Variants in RNF17 observed in about 807,000 individuals in gnomAD.
The protein encoded by RNF17 is spermatogenesis associated 23.
In RNF17, 31 loss-of-function variants were observed where a neutral mutation model predicts 200.5. That is an observed-to-expected ratio of 0.15 (90% CI 0.12 to 0.21). The LOEUF (loss-of-function observed/expected upper bound fraction) is 0.21, where lower values mean the gene tolerates loss of function less well. Ranked by LOEUF, RNF17 falls within the 10% of genes least tolerant of loss-of-function variation. RNF17 has a pLI of 1.00. For synonymous variants in RNF17, 606 were observed against 637.8 expected (o/e 0.95, Z 0.75); for missense variants, 1,628 against 1,905.1 (o/e 0.85, Z 2.71).
chr13:24,787,951 G>T, intron 6 of RNF17, 37 bp from the exon 7 acceptor site: 2 of 1,468,322 alleles, frequency 1.4e-6, no homozygotes, highest in Non-Finnish European at 1.8e-6. Flanking sequence ...AAATATTTAT[G>T]AAATACTGCA....
At chr13:24,769,756 G>A (rs9507405) in intron 2 of RNF17, among the ~76,000 whole-genome samples, 33,153 of 152,056 alleles carry the variant, frequency 0.22, 4,073 homozygotes, top group East Asian at 0.29. Flanking sequence ...TAACTTCAGA[G>A]GCCTAGGTAA....
chr13:24,804,116 G>C (rs977744841), intron 14 of RNF17, among the ~76,000 whole-genome samples, 172 bp from the exon 15 acceptor site: 2 of 152,094 alleles, frequency 1.3e-5, no homozygotes, highest in African/African-American at 4.8e-5. Flanking sequence ...ACAAAAATTA[G>C]CCAGGTGTGA....
At chr13:24,866,614 C>A (rs575864557) in intron 30 of RNF17, among the ~76,000 whole-genome samples, 3 of 152,128 alleles carry the variant, frequency 2.0e-5, no homozygotes. Flanking sequence ...TGCTTCACTT[C>A]TTTTTGTTGC....
At chr13:24,821,367 A>G (rs9581188) in intron 15 of RNF17, among the ~76,000 whole-genome samples, 26,738 of 152,140 alleles carry the variant, frequency 0.18, 2,509 homozygotes, top group South Asian at 0.32. Flanking sequence ...AACTCCTAAC[A>G]TTAGACTTCT....
intron 4 of RNF17, 121 bp downstream of exon 4, chr13:24,778,527 C>T: frequency 1.4e-6 from 1 of 710,112 alleles, no homozygotes; most frequent in Non-Finnish European, 2.5e-6. Context: ...AACAAGTTAA[C>T]CCACCCTCTT....
downstream of RNF17, among the ~76,000 whole-genome samples, chr13:24,880,799 C>T (rs1321977315): frequency 6.6e-6 from 1 of 152,178 alleles, no homozygotes; most frequent in Non-Finnish European, 1.5e-5. Flanking sequence ...GCTTTCTAAA[C>T]AGTAATTCTA....
rs796892730 is a variant in RNF17 at position 24,789,831 on chromosome 13, A to AAG, written c.935+63_935+64dup. ...GTGTCTGACAGTACTTACATTATCT[A>AAG]AGAGACAGAAGAATTGATGTTTAGT... On this transcript the variant is annotated intron_variant, in intron 9 of 35. Coordinates refer to ENST00000255324, the MANE Select transcript of RNF17 (RefSeq NM_031277.3). 10 of 923,510 alleles carry AAG rather than the reference A, an allele frequency of 1.1e-5. No homozygotes were observed. In the African/African-American group the frequency reaches 1.1e-4, roughly 11 times the overall value. 57.2% of individuals were successfully genotyped at this position (923,510 alleles called of 1,614,324 possible).
At chr13:24,771,395 A>G (rs1293255048) in intron 2 of RNF17, among the ~76,000 whole-genome samples, 6 of 118,922 alleles carry the variant, frequency 5.0e-5, no homozygotes, top group African/African-American at 9.7e-5. Flanking sequence ...GGTCCTTGCT[A>G]TGTTGCCCAG....
At chr13:24,812,055 C>T (rs562636604) in intron 15 of RNF17, among the ~76,000 whole-genome samples, 6 of 151,746 alleles carry the variant, frequency 4.0e-5, no homozygotes, top group African/African-American at 1.2e-4. Context: ...AGCTGTCAGA[C>T]AGGGACGTTT....
At chr13:24,771,044 A>G (rs1197187325) in intron 2 of RNF17, among the ~76,000 whole-genome samples, 1 of 152,178 alleles carries the variant, frequency 6.6e-6, no homozygotes, top group African/African-American at 2.4e-5. Flanking sequence ...GCAACTTTTC[A>G]TATGTTTGAC....
intron 25 of RNF17, 150 bp from the exon 26 acceptor site, chr13:24,858,851 C>G: frequency 1.8e-6 from 1 of 560,762 alleles, no homozygotes; most frequent in East Asian, 2.9e-5. Context: ...TATGCTATTA[C>G]TAGTATGTTT....
Position 24,874,297 on chromosome 13 carries a change from A to G in RNF17, c.4583+48A>G, listed in dbSNP as rs61947507. 2.4e-5 allele frequency: 35 copies of G among 1,469,806 alleles called. No individual in the cohort carries two copies. The Middle Eastern group carries it at 1.2e-3, about 51-fold the overall frequency. The allele number at this position is 1,469,806 out of a possible 1,614,324, so 91.0% of individuals were successfully genotyped here. ...TTGAATTAGATTTCTTTTTTTTTAA[A>G]TAGTTTTCTTATTGAGAATATTTTT... On this transcript the variant is annotated intron_variant, in intron 33 of 35. Transcript: ENST00000255324.
chr13:24,752,072 C>T, the RNF17 span: 3 of 152,250 alleles, frequency 2.0e-5, no homozygotes, highest in Non-Finnish European at 4.4e-5. Context: ...CATTGTTCAG[C>T]ACTTCAATAT....
intron 1 of RNF17, among the ~76,000 whole-genome samples, chr13:24,765,071 A>G (rs1879449418): frequency 6.6e-6 from 1 of 152,114 alleles, no homozygotes; most frequent in Non-Finnish European, 1.5e-5. Context: ...GCTGGAGTGC[A>G]GTGGCGCGAT....
intron 13 of RNF17, 122 bp downstream of exon 13, chr13:24,800,656 A>C (rs1885134793): frequency 4.6e-6 from 3 of 658,306 alleles, no homozygotes; most frequent in Non-Finnish European, 7.3e-6. Flanking sequence ...CATAGTGCAT[A>C]TTAAACTGTT....
At chr13:24,787,752 C>T (rs1031001695) in intron 6 of RNF17, among the ~76,000 whole-genome samples, 3 of 152,152 alleles carry the variant, frequency 2.0e-5, no homozygotes, top group African/African-American at 7.2e-5. Context: ...GTATACATAG[C>T]TTTTAACTAT....
At chr13:24,868,297 C>T (rs1020050027) in intron 30 of RNF17, among the ~76,000 whole-genome samples, 27 of 149,798 alleles carry the variant, frequency 1.8e-4, no homozygotes, top group African/African-American at 6.4e-4. Flanking sequence ...GGTGAAACCC[C>T]GTCTCTACTA....
chr13:24,880,325 A>AC (rs1338579851), downstream of RNF17, among the ~76,000 whole-genome samples: 1 of 151,996 alleles, frequency 6.6e-6, no homozygotes, highest in Non-Finnish European at 1.5e-5. Flanking sequence ...TGGGGAAACC[A>AC]CCCCCGTGAT....
chr13:24,843,384 G>T (rs954612255), intron 19 of RNF17, among the ~76,000 whole-genome samples: 11 of 151,882 alleles, frequency 7.2e-5, no homozygotes, highest in African/African-American at 2.7e-4. Flanking sequence ...GGGGCATGGT[G>T]GCAGGTGCCT....
Sources: gnomAD v4.1 joint callset for allele counts (sites outside exome capture counted in the v4.1 genomes callset) on GRCh38, gnomAD v4.1.1 for gene constraint, MANE v1.5 for transcripts, NCBI Gene and HGNC (gene_info 2026-07-23, HGNC 2026-07-21) for gene names.